Variants in MOCOS observed in about 807,000 individuals in gnomAD.
The protein encoded by MOCOS is molybdenum cofactor sulfurase, also known as human molybdenum cofactor sulfurase.
Under a neutral mutation model 83.6 loss-of-function variants are expected in MOCOS, and 86 were observed. The observed-to-expected ratio is 1.03, with a 90% CI of 0.86 to 1.23. MOCOS has a LOEUF of 1.23. MOCOS is among the 50% of genes most tolerant of loss of function. The probability of loss-of-function intolerance (pLI) is 0.00; values close to 1 mark genes in which losing one functional copy is unlikely to be tolerated. For synonymous variants in MOCOS, 445 were observed against 434.7 expected, an observed-to-expected ratio of 1.02 and a Z score of -0.29; for missense variants, 1,120 against 1,126.9, an observed-to-expected ratio of 0.99 and a Z score of 0.09.
intron 9 of MOCOS, among the ~76,000 whole-genome samples, chr18:36,247,938 C>T (rs2091608420): frequency 6.6e-6 from 1 of 152,116 alleles, no homozygotes; most frequent in Non-Finnish European, 1.5e-5. Flanking sequence ...TTTTTTTCCT[C>T]TGATTTTCCT....
chr18:36,232,233 T>C lies in MOCOS; in HGVS notation c.1960+12016T>C, dbSNP rs768483948. Among the ~76,000 whole-genome samples the C allele has an allele frequency of 1.3e-5, 2 of 152,178 alleles. 1 individual carries two copies. The highest frequency in any genetic ancestry group is 2.9e-5 in the Non-Finnish European group (2 of 68,026). On this transcript the variant is annotated intron_variant, in intron 9 of 14. Coordinates refer to ENST00000261326, the MANE Select transcript of MOCOS (RefSeq NM_017947.4). The stretch of plus-strand genomic sequence containing the variant: ...CAAGCGATCCACCTGCCTCGGCCTC[T>C]GAAATTGCTGAGATTCCAGGTATGA...
chr18:36,193,971 G>A (rs1367364434), intron 1 of MOCOS, among the ~76,000 whole-genome samples: 2 of 152,204 alleles, frequency 1.3e-5, no homozygotes, highest in East Asian at 3.8e-4. Flanking sequence ...CAGGAATGAA[G>A]TTCTGATACA....
chr18:36,229,385 A>G (rs936697682), intron 9 of MOCOS, among the ~76,000 whole-genome samples: 3 of 152,098 alleles, frequency 2.0e-5, no homozygotes, highest in African/African-American at 7.2e-5. Context: ...TGATTGTATT[A>G]TGAGGGTTCC....
rs1598599176 is a variant in MOCOS, at chr18:36,268,889, G to A, written c.*204G>A. On this transcript the variant is annotated 3_prime_UTR_variant, in exon 15 of 15. Transcript: ENST00000261326. ...GCTGTGCTCAGGAGAGCACTTCTGA[G>A]GCCTCAGGAACGAATGCTGCACCCA... The A allele has an allele frequency of 3.4e-6, 2 of 593,124 alleles. No homozygotes were observed. Among genetic ancestry groups the A allele is most frequent in the South Asian group, 2.0e-5 (1 of 49,070 alleles). 36.7% of individuals were successfully genotyped at this position (593,124 alleles called of 1,614,324 possible).
At chr18:36,226,114 C>G (rs562902914) in intron 9 of MOCOS, among the ~76,000 whole-genome samples, 9 of 152,170 alleles carry the variant, frequency 5.9e-5, no homozygotes, top group Admixed American at 5.9e-4. Context: ...TTTGCATGTT[C>G]TGTCCATTAT....
rs528119467 is a variant in MOCOS at position 36,270,711 on chromosome 18, C to CA, written c.*2045dup. On this transcript the variant is annotated 3_prime_UTR_variant, in exon 15 of 15. Coordinates refer to ENST00000261326, the MANE Select transcript of MOCOS (RefSeq NM_017947.4). The stretch of plus-strand genomic sequence containing the variant: ...CTGGTGACAGAGCAAGACTCCATCT[C>CA]AAAAAAAAAAAAAAAAAAATTAGGT... 0.16 allele frequency: 17,827 copies of CA among 114,582 alleles called. 1,783 individuals are homozygous for CA. The highest frequency in any genetic ancestry group is 0.29 in the African/African-American group (9,400 of 32,558). The allele number at this position is 114,582 out of a possible 1,614,324, so 7.1% of individuals were successfully genotyped here.
At chr18:36,262,771 A>G (rs1487905707) in intron 13 of MOCOS, among the ~76,000 whole-genome samples, 1 of 152,208 alleles carries the variant, frequency 6.6e-6, no homozygotes, top group African/African-American at 2.4e-5. Context: ...TGTTGGGATT[A>G]TAGGCATAGG....
At chr18:36,252,121 A>G (rs985383628) in intron 11 of MOCOS, among the ~76,000 whole-genome samples, 6 of 152,180 alleles carry the variant, frequency 3.9e-5, no homozygotes, top group Non-Finnish European at 8.8e-5. Context: ...CACCTGGCAC[A>G]TAGTTGCTCA....
At chr18:36,243,607 T>C (rs1178808824) in intron 9 of MOCOS, among the ~76,000 whole-genome samples, 1 of 152,074 alleles carries the variant, frequency 6.6e-6, no homozygotes, top group East Asian at 1.9e-4. Flanking sequence ...CTGGTTTTGG[T>C]ATTAGGGTGA....
intron 9 of MOCOS, among the ~76,000 whole-genome samples, chr18:36,240,736 G>A (rs1175295572): frequency 2.0e-5 from 3 of 152,160 alleles, no homozygotes; most frequent in Non-Finnish European, 2.9e-5. Context: ...CCCCAGCCTC[G>A]CTGCCGCCTT....
intron 6 of MOCOS, among the ~76,000 whole-genome samples, chr18:36,209,178 T>TC (rs2091445220): frequency 6.7e-6 from 1 of 149,232 alleles, no homozygotes; most frequent in African/African-American, 2.4e-5. Flanking sequence ...CTCTTCTTCT[T>TC]TTTTTTTTTT....
Position 36,266,753 on chromosome 18 carries a change from TG to T in MOCOS, c.2418del (p.Pro807LeufsTer7), listed in dbSNP as rs754272546. ...GTTTTCCTTCTCACCTGCCAGGTTTTGGGGCCTTGTCACAGATGCCAGATGA... is the reference window on the plus strand; with the variant it reads ...GTTTTCCTTCTCACCTGCCAGGTTTTGGGCCTTGTCACAGATGCCAGATGA... ...ISIGSLRFQVLGPCHRCQMIC... is the reference protein window; with the variant it reads ...ISIGSLRFQVXGPCHRCQMIC... On this transcript the variant is annotated frameshift_variant, in exon 14 of 15. Transcript: ENST00000261326. LOFTEE classifies it high-confidence loss of function. 3 of 1,613,846 alleles carry T rather than the reference TG, an allele frequency of 1.9e-6. No individual in the cohort carries two copies. The highest frequency in any genetic ancestry group is 1.3e-5 in the African/African-American group (1 of 74,914).
chr18:36,263,507 T>C (rs2091671263), intron 13 of MOCOS, among the ~76,000 whole-genome samples: 1 of 152,208 alleles, frequency 6.6e-6, no homozygotes, highest in Admixed American at 6.5e-5. Context: ...TGCAGAGTAA[T>C]TGAAAAAGAA....
chr18:36,227,998 C>T (rs28842490), intron 9 of MOCOS, among the ~76,000 whole-genome samples: 1 of 151,878 alleles, frequency 6.6e-6, no homozygotes, highest in African/African-American at 2.4e-5. Context: ...CAAGAAACAA[C>T]CCCATAAAAA....
At chr18:36,191,798 A>G (rs2091367526) in intron 1 of MOCOS, among the ~76,000 whole-genome samples, 1 of 152,192 alleles carries the variant, frequency 6.6e-6, no homozygotes, top group African/African-American at 2.4e-5. Context: ...ACCACTTGAC[A>G]TAGTTTGTGT....
At position 36,266,809 on chromosome 18, in the gene MOCOS, A is replaced by T. The variant is rs751346421; in HGVS notation, c.2470A>T (p.Asn824Tyr). 1.9e-6 allele frequency: 3 copies of T among 1,614,132 alleles called. No homozygotes were observed. Among genetic ancestry groups the T allele is most frequent in the Non-Finnish European group, 2.5e-6 (3 of 1,180,040 alleles). ...ICIDQQTGQRNQHVFQKLSES... is the reference protein window; with the variant it reads ...ICIDQQTGQRYQHVFQKLSES... ...CATCGACCAGCAAACTGGGCAACGA[A>T]ACCAGCATGTTTTCCAAAAACTTTC... is the stretch of plus-strand genomic sequence containing the variant. Residue 824 changes from asparagine to tyrosine, a missense_variant, in exon 14 of 15, where the codon AAC becomes TAC. Asn to Tyr is a moderately radical substitution (Grantham distance 143). Transcript: ENST00000261326.
At chr18:36,202,199 G>A (rs1056270690) in intron 4 of MOCOS, among the ~76,000 whole-genome samples, 1 of 152,142 alleles carries the variant, frequency 6.6e-6, no homozygotes, top group Non-Finnish European at 1.5e-5. Context: ...CCTTGACTAT[G>A]TTCTCAACTT....
chr18:36,237,469 C>G (rs1191425906), intron 9 of MOCOS, among the ~76,000 whole-genome samples: 1 of 152,138 alleles, frequency 6.6e-6, no homozygotes, highest in Non-Finnish European at 1.5e-5. Context: ...GCCTTGCATC[C>G]CAGGGATGAA....
chr18:36,244,106 G>A (rs1164743046), intron 9 of MOCOS, among the ~76,000 whole-genome samples: 2 of 150,660 alleles, frequency 1.3e-5, no homozygotes, highest in East Asian at 3.9e-4. Flanking sequence ...TTTTTTGTTT[G>A]TTTCAATTTC....
Sources: gnomAD v4.1 joint callset for allele counts (sites outside exome capture counted in the v4.1 genomes callset) on GRCh38, gnomAD v4.1.1 for gene constraint, MANE v1.5 for transcripts, NCBI Gene and HGNC (gene_info 2026-07-23, HGNC 2026-07-21) for gene names.